BANP: variants seen among roughly 807,000 people sequenced by gnomAD.
The protein encoded by BANP is BTG3 associated nuclear protein.
Under a neutral mutation model 68.1 loss-of-function variants are expected in BANP, and 11 were observed. That is an observed-to-expected ratio of 0.16 (90% CI 0.10 to 0.27). The LOEUF is 0.27. BANP is among the 10% of genes least tolerant of loss of function. BANP has a pLI of 1.00. For synonymous variants in BANP, 329 were observed against 303.2 expected, an observed-to-expected ratio of 1.09 and a Z score of -0.88; for missense variants, 504 against 722.7, an observed-to-expected ratio of 0.70 and a Z score of 3.47.
intron 7 of BANP, among the ~76,000 whole-genome samples, chr16:88,026,267 G>C (rs1041152533): frequency 2.6e-5 from 4 of 152,214 alleles, no homozygotes; most frequent in Non-Finnish European, 5.9e-5. Context: ...TCGGCTTGTG[G>C]TATAGGGACT....
chr16:87,954,519 C>T (rs969127823), intron 1 of BANP, among the ~76,000 whole-genome samples: 3 of 152,224 alleles, frequency 2.0e-5, no homozygotes, highest in African/African-American at 7.2e-5. Flanking sequence ...CCAGTTTCCC[C>T]TCGGGTGATT....
chr16:87,974,186 C>T (rs904661122), intron 1 of BANP, among the ~76,000 whole-genome samples: 6 of 152,178 alleles, frequency 3.9e-5, no homozygotes, highest in African/African-American at 9.7e-5. Context: ...ACATTCATTC[C>T]TCATTTCTAC....
intron 11 of BANP, among the ~76,000 whole-genome samples, chr16:88,063,262 C>T (rs190033457): frequency 4.6e-5 from 7 of 152,356 alleles, no homozygotes; most frequent in East Asian, 1.9e-4. Context: ...CCTCGGCTTT[C>T]GCCTCTCAGC....
Position 88,027,464 on chromosome 16 carries a change from C to T in BANP, c.896-19C>T. On this transcript the variant is annotated intron_variant, in intron 7 of 13. Coordinates refer to ENST00000682872, the MANE Select transcript of BANP (RefSeq NM_001386991.1). ...TCCCGAACAGGCCTCACCGCTTCTC[C>T]TTGGATGTGTCCTTCCAGGTCACCT... is the stretch of plus-strand genomic sequence containing the variant. The T allele has an allele frequency of 1.2e-6, 2 of 1,612,750 alleles. No homozygotes were observed. Among genetic ancestry groups the T allele is most frequent in the Non-Finnish European group, 1.7e-6 (2 of 1,179,732 alleles).
chr16:88,071,061 T>C lies in BANP; in HGVS notation c.1378-1008T>C, dbSNP rs1468519729. On this transcript the variant is annotated intron_variant, in intron 12 of 13. Coordinates refer to ENST00000682872, the MANE Select transcript of BANP (RefSeq NM_001386991.1). The surrounding 1 kb of genome is among the most constrained non-coding windows in gnomAD (Gnocchi z 6.5). ...GGGCCAAGTTTGCTCTGTGCAGTGCTGCTGTTGTCCAGGGCAGGTCCCACG... is the reference window on the plus strand; with the variant it reads ...GGGCCAAGTTTGCTCTGTGCAGTGCCGCTGTTGTCCAGGGCAGGTCCCACG... 4.1e-6 allele frequency: 1 copy of C among 244,586 alleles called. No individual in the cohort carries two copies. The highest frequency in any genetic ancestry group is 2.3e-5 in the African/African-American group (1 of 43,322). The allele number at this position is 244,586 out of a possible 1,614,324, so 15.2% of individuals were successfully genotyped here. A position where few individuals can be genotyped will look rare whatever the true frequency, so the allele number is the denominator to read the frequency against.
intron 8 of BANP, among the ~76,000 whole-genome samples, chr16:88,032,865 T>C (rs1272757235): frequency 6.6e-6 from 1 of 152,228 alleles, no homozygotes; most frequent in African/African-American, 2.4e-5. Flanking sequence ...GAAGGGGTTT[T>C]GTCATAGCAG....
At chr16:88,039,470 T>C (rs1350670874) in intron 11 of BANP, among the ~76,000 whole-genome samples, 2 of 145,318 alleles carry the variant, frequency 1.4e-5, no homozygotes, top group African/African-American at 4.9e-5. Context: ...AGTGGAACTG[T>C]ATCATAGTTG....
intron 11 of BANP, among the ~76,000 whole-genome samples, chr16:88,059,661 T>C (rs900078818): frequency 1.3e-5 from 2 of 152,052 alleles, no homozygotes; most frequent in Admixed American, 6.5e-5. Context: ...CAGATGAAGC[T>C]TTTTGCAGGA....
Position 88,018,325 on chromosome 16 carries a change from G to A in BANP, c.656-103G>A, listed in dbSNP as rs1356834297. 4.2e-6 allele frequency: 6 copies of A among 1,428,936 alleles called. No individual in the cohort carries two copies. The highest frequency in any genetic ancestry group is 1.4e-5 in the African/African-American group (1 of 71,096). The allele number at this position is 1,428,936 out of a possible 1,614,324, so 88.5% of individuals were successfully genotyped here. A position where few individuals can be genotyped will look rare whatever the true frequency, so the allele number is the denominator to read the frequency against. ...TTACGAGGGATTTGCCCAGCCCTGCGTGGAGCATCTTTCCCGACTGTGCCT... is the reference window on the plus strand; with the variant it reads ...TTACGAGGGATTTGCCCAGCCCTGCATGGAGCATCTTTCCCGACTGTGCCT... On this transcript the variant is annotated intron_variant, in intron 6 of 13. Transcript: ENST00000682872. The surrounding 1 kb of genome is among the most constrained non-coding windows in gnomAD (Gnocchi z 7.7).
At chr16:87,980,678 CTT>C in intron 2 of BANP, 1 of 232,332 alleles carries the variant, frequency 4.3e-6, no homozygotes, top group Non-Finnish European at 8.6e-6. Flanking sequence ...ACAGATAAAA[CTT>C]TATTTTAAAG....
intron 12 of BANP, among the ~76,000 whole-genome samples, chr16:88,070,486 T>G (rs563836362): frequency 7.9e-5 from 12 of 152,320 alleles, no homozygotes; most frequent in African/African-American, 2.9e-4. Context: ...CGACCGCTCC[T>G]TAGGTTCATT....
intron 4 of BANP, among the ~76,000 whole-genome samples, chr16:87,998,708 G>T (rs1445958484): frequency 2.1e-5 from 2 of 95,526 alleles, no homozygotes; most frequent in African/African-American, 4.2e-5. Flanking sequence ...CCTTCCAGAC[G>T]TGTCTCCATG....
At chr16:87,989,278 C>G (rs1186521499) in intron 4 of BANP, among the ~76,000 whole-genome samples, 3 of 152,296 alleles carry the variant, frequency 2.0e-5, no homozygotes, top group African/African-American at 4.8e-5. Context: ...GGTGCGCCAT[C>G]AGTTTGGATT....
At chr16:88,006,063 G>C in intron 5 of BANP, 27 bp from the exon 6 acceptor site, 1 of 1,613,216 alleles carries the variant, frequency 6.2e-7, no homozygotes, top group Non-Finnish European at 8.5e-7. Context: ...TACCACATCG[G>C]GCTGGTGTGT....
At position 88,065,292 on chromosome 16, in the gene BANP, G is replaced by T. The variant is rs1348193313; in HGVS notation, c.1337G>T (p.Cys446Phe). The T allele has an allele frequency of 1.3e-6, 1 of 768,336 alleles. No homozygotes were observed. The highest frequency in any genetic ancestry group is 2.4e-5 in the East Asian group (1 of 41,154). 47.6% of individuals were successfully genotyped at this position (768,336 alleles called of 1,614,324 possible). The change falls in exon 12 of 14, where the codon TGC becomes TTC. Residue 446 changes from cysteine to phenylalanine, a missense_variant. Cys to Phe is a radical substitution (Grantham distance 205). Around this residue, in one of 3 missense-constraint regions of BANP, gnomAD observed 223 missense variants for 246.2 expected, o/e 0.91. Transcript: ENST00000682872. ...CTTCTAGAGGCCACCCGCATCCCCTGCCTCCTGGCCCCATCCGTCTTCAAA... is the reference window on the plus strand; with the variant it reads ...CTTCTAGAGGCCACCCGCATCCCCTTCCTCCTGGCCCCATCCGTCTTCAAA... ...GQLLEATRIP[C>F]LLAPSVFKAS...
chr16:88,024,335 C>T (rs1248972428), intron 7 of BANP, among the ~76,000 whole-genome samples: 1 of 152,188 alleles, frequency 6.6e-6, no homozygotes, highest in Non-Finnish European at 1.5e-5. Flanking sequence ...CTTTTTCTGG[C>T]TTTTGCCTCA....
At chr16:88,042,601 C>T (rs1266278372) in intron 11 of BANP, among the ~76,000 whole-genome samples, 2 of 152,224 alleles carry the variant, frequency 1.3e-5, no homozygotes, top group African/African-American at 4.8e-5. Context: ...CCTTAGAACA[C>T]TGACATTGAA....
chr16:87,994,152 G>GTCATCTTTCAATTCAC (rs2066602155), intron 4 of BANP, among the ~76,000 whole-genome samples: 1 of 152,170 alleles, frequency 6.6e-6, no homozygotes, highest in Admixed American at 6.5e-5. Flanking sequence ...GAAGGGCCCT[G>GTCATCTTTCAATTCAC]GGCGGCTTTT....
At chr16:88,007,031 G>A (rs886953711) in intron 6 of BANP, among the ~76,000 whole-genome samples, 2 of 151,384 alleles carry the variant, frequency 1.3e-5, no homozygotes, top group Admixed American at 6.6e-5. Flanking sequence ...CCACCATTCT[G>A]AGATCTCTAA....
Sources: gnomAD v4.1 joint callset for allele counts (sites outside exome capture counted in the v4.1 genomes callset) on GRCh38, gnomAD v4.1.1 for gene constraint, gnomAD v4.1.1 regional missense constraint, Gnocchi (gnomAD v3.1) non-coding constraint, MANE v1.5 for transcripts, NCBI Gene and HGNC (gene_info 2026-07-23, HGNC 2026-07-21) for gene names.